PZP: variants seen among roughly 807,000 people sequenced by gnomAD.
PZP encodes the protein pregnancy zone protein.
PZP carries 150 observed loss-of-function variants against 179.8 expected under a neutral mutation model. That is an observed-to-expected ratio of 0.83 (90% CI 0.73 to 0.96). The LOEUF (loss-of-function observed/expected upper bound fraction) is 0.96, where lower values mean the gene tolerates loss of function less well. PZP is among the 40% of genes least tolerant of loss of function. The pLI is 0.00. For synonymous variants in PZP, 624 were observed against 652.3 expected (o/e 0.96, Z 0.66); for missense variants, 1,689 against 1,764.0 (o/e 0.96, Z 0.76).
chr12:9,154,865 T>C (rs1940633113), intron 28 of PZP, 26 bp from the exon 29 acceptor site: 6 of 1,579,140 alleles, frequency 3.8e-6, no homozygotes, highest in Admixed American at 1.7e-5. Context: ...AAGGAGATAA[T>C]TGTAACTCAT....
At chr12:9,203,263 G>A (rs1044261238) in intron 2 of PZP, among the ~76,000 whole-genome samples, 1 of 137,966 alleles carries the variant, frequency 7.2e-6, no homozygotes, top group Admixed American at 7.9e-5. Flanking sequence ...TCCTTACTCT[G>A]GTAAAAAATG....
rs1447943068 is a variant in PZP at position 9,163,688 on chromosome 12, T to C, written c.2716A>G (p.Ile906Val). 6.2e-7 allele frequency: 1 copy of C among 1,613,828 alleles called. No homozygotes were observed. Among genetic ancestry groups the C allele is most frequent in the Admixed American group, 1.7e-5 (1 of 59,974 alleles). ...GTTACCTCCACCAACAGGGTTTTGATGACTGTGTCTTTTCTTTTAATCTCA... is the reference window on the plus strand; with the variant it reads ...GTTACCTCCACCAACAGGGTTTTGACGACTGTGTCTTTTCTTTTAATCTCA... ...VPEIKRKDTV[I>V]KTLLVEAEGI... Residue 906 changes from isoleucine (I) to valine (V), a missense_variant, in exon 21 of 36, where the codon ATC (isoleucine) becomes GTC (valine). By Grantham distance (29) the Ile-to-Val change is conservative. Around this residue, in one of 3 missense-constraint regions of PZP, gnomAD observed 746 missense variants for 749.2 expected, o/e 1.00. Transcript: ENST00000261336.
chr12:9,142,132 T>C, the PZP span, among the ~76,000 whole-genome samples: 1 of 152,206 alleles, frequency 6.6e-6, no homozygotes, highest in Non-Finnish European at 1.5e-5. Context: ...TATATGATTC[T>C]TTTTTGTATA....
chr12:9,188,125 A>G (rs1391325452), intron 13 of PZP, among the ~76,000 whole-genome samples: 1 of 152,252 alleles, frequency 6.6e-6, no homozygotes, highest in Non-Finnish European at 1.5e-5. Context: ...AAAATCCTCA[A>G]TAAAATACTG....
At position 9,169,539 on chromosome 12, in the gene PZP, T is replaced by A; in HGVS notation, c.1892A>T (p.Asp631Val). 1 of 1,613,140 alleles carries A rather than the reference T, an allele frequency of 6.2e-7. No homozygotes were observed. Among genetic ancestry groups the A allele is most frequent in the Non-Finnish European group, 8.5e-7 (1 of 1,179,586 alleles). Reference protein sequence around the residue: ...KDLTNFPDNVDQQEEEQGHCP... With the variant: ...KDLTNFPDNVVQQEEEQGHCP... ...GTGTCCTTGTTCTTCCTCCTGCTGGTCCACATTGTCAGGAAAATTGGTGAG... is the reference window on the plus strand; with the variant it reads ...GTGTCCTTGTTCTTCCTCCTGCTGGACCACATTGTCAGGAAAATTGGTGAG... Residue 631 changes from aspartate to valine, a missense_variant, in exon 16 of 36, where the codon GAC (aspartate) becomes GTC (valine). This residue lies in a region of PZP where 201 missense variants were observed against 284.2 expected (regional missense o/e 0.71). Transcript: ENST00000261336.
chr12:9,154,726 A>G lies in PZP; in HGVS notation c.3664T>C (p.Tyr1222His). The change falls in exon 29 of 36, where the codon TAT becomes CAT. Residue 1222 changes from tyrosine to histidine, a missense_variant. Transcript: ENST00000261336. ...GTGGGGGCTGGCTGGGCCGTGAGAT[A>G]AGCGAGGAGCACATAGGATGTCATC... ...VEMTSYVLLA[Y>H]LTAQPAPTSG... 2 of 1,614,126 alleles carry G rather than the reference A, an allele frequency of 1.2e-6. No individual in the cohort carries two copies. The highest frequency in any genetic ancestry group is 1.7e-6 in the Non-Finnish European group (2 of 1,180,024).
At chr12:9,167,460 G>A (rs1941666334) in intron 17 of PZP, 1 of 152,164 alleles carries the variant, frequency 6.6e-6, no homozygotes, top group Admixed American at 6.5e-5. Context: ...AGATCCTTGG[G>A]AGAAATGTGA....
In PZP at chr12:9,151,692, T is replaced by C. The variant is rs904881120; in HGVS notation, c.4213-20A>G. On this transcript the variant is annotated intron_variant, in intron 32 of 35. Transcript: ENST00000261336. ...TTCAAGCTGGAGAGAATTAGAAAACTTCAGTTAAAGTTAGAGAACAGATGT... is the reference window on the plus strand; with the variant it reads ...TTCAAGCTGGAGAGAATTAGAAAACCTCAGTTAAAGTTAGAGAACAGATGT... 6.2e-7 allele frequency: 1 copy of C among 1,606,244 alleles called. No homozygotes were observed. Among genetic ancestry groups the C allele is most frequent in the Admixed American group, 1.7e-5 (1 of 59,812 alleles).
At chr12:9,176,242 G>A (rs1239602621) in intron 15 of PZP, among the ~76,000 whole-genome samples, 1 of 152,190 alleles carries the variant, frequency 6.6e-6, no homozygotes, top group African/African-American at 2.4e-5. Flanking sequence ...TCACTTATGA[G>A]TGGGAGCTGA....
chr12:9,166,349 T>C, intron 17 of PZP, 147 bp from the exon 18 acceptor site: 1 of 722,552 alleles, frequency 1.4e-6, no homozygotes, highest in South Asian at 1.9e-5. Flanking sequence ...GGGAAATACT[T>C]TGTGATCCCT....
chr12:9,177,412 C>T (rs1181889881), intron 15 of PZP, among the ~76,000 whole-genome samples: 1 of 152,102 alleles, frequency 6.6e-6, no homozygotes, highest in African/African-American at 2.4e-5. Context: ...CAGCTTTGGC[C>T]GCCATGTTAA....
Position 9,153,310 on chromosome 12 carries a change from A to T in PZP, c.3808T>A (p.Tyr1270Asn), listed in dbSNP as rs746989884. Residue 1270 changes from tyrosine to asparagine, a missense_variant, in exon 30 of 36, where the codon TAT becomes AAT. Physicochemically the swap from Tyr to Asn is moderately radical, Grantham distance 143 (BLOSUM62 -2). Around this residue, in one of 3 missense-constraint regions of PZP, gnomAD observed 746 missense variants for 749.2 expected, o/e 1.00. Transcript: ENST00000261336. Reference protein sequence around the residue: ...TVVALHALSRYGAATFTRTEK... With the variant: ...TVVALHALSRNGAATFTRTEK... ...GTTCTGGTGAAAGTGGCTGCTCCAT[A>T]CCTGGACAGGGCATGGAGAGCCACC... is the stretch of plus-strand genomic sequence containing the variant. 6.2e-7 allele frequency: 1 copy of T among 1,613,974 alleles called. No individual in the cohort carries two copies. The highest frequency in any genetic ancestry group is 1.1e-5 in the South Asian group (1 of 91,072).
rs759141407 is a variant in PZP at position 9,161,363 on chromosome 12, G to A, written c.2789-247C>T. Among the ~76,000 whole-genome samples, 10 of 152,326 alleles carry A rather than the reference G, an allele frequency of 6.6e-5. No individual in the cohort carries two copies. The East Asian group carries it at 1.9e-3, about 29-fold the overall frequency. On this transcript the variant is annotated intron_variant, in intron 22 of 35. Coordinates refer to ENST00000261336, the MANE Select transcript of PZP (RefSeq NM_002864.3). Reference sequence around the variant, plus strand: ...TATTATTGCAGTTATTTTATTATTAGAGTTAGCAGTAATATTATTATATCT... The same window carrying A: ...TATTATTGCAGTTATTTTATTATTAAAGTTAGCAGTAATATTATTATATCT...
intron 10 of PZP, 49 bp from the exon 11 acceptor site, chr12:9,194,287 G>C: frequency 6.4e-7 from 1 of 1,565,498 alleles, no homozygotes; most frequent in Non-Finnish European, 8.7e-7. Context: ...ACCCAGAGAG[G>C]ACTGAACTCA....
At position 9,164,264 on chromosome 12, in the gene PZP, C is replaced by G. The variant is rs764017472; in HGVS notation, c.2488-5G>C. Reference sequence around the variant, plus strand: ...GGCTTTCAGCTGCACACTGACCTATCACCCCATGTGAGGCAGAGACAGAAA... The same window carrying G: ...GGCTTTCAGCTGCACACTGACCTATGACCCCATGTGAGGCAGAGACAGAAA... On this transcript the variant is annotated splice_region_variant and splice_polypyrimidine_tract_variant and intron_variant, in intron 19 of 35. Coordinates refer to ENST00000261336, the MANE Select transcript of PZP (RefSeq NM_002864.3). 1 of 1,612,340 alleles carries G rather than the reference C, an allele frequency of 6.2e-7. No individual in the cohort carries two copies. Among genetic ancestry groups the G allele is most frequent in the South Asian group, 1.1e-5 (1 of 90,944 alleles).
chr12:9,206,346 C>G (rs1267187228), intron 1 of PZP, among the ~76,000 whole-genome samples: 1 of 151,850 alleles, frequency 6.6e-6, no homozygotes, highest in Non-Finnish European at 1.5e-5. Context: ...ATTTGATATT[C>G]TAAAGAACTA....
chr12:9,157,652 A>G, intron 27 of PZP, 115 bp downstream of exon 27: 1 of 934,476 alleles, frequency 1.1e-6, no homozygotes, highest in South Asian at 1.6e-5. Flanking sequence ...TCAGTCTGAG[A>G]AATCCCTCAT....
chr12:9,160,106 C>T (rs1023066761), intron 24 of PZP, 81 bp from the exon 25 acceptor site: 27 of 1,344,252 alleles, frequency 2.0e-5, no homozygotes, highest in Admixed American at 1.7e-4. Context: ...TGCATCCAGG[C>T]GCCATGGACA....
At chr12:9,176,878 G>T (rs1157239693) in intron 15 of PZP, among the ~76,000 whole-genome samples, 3 of 152,128 alleles carry the variant, frequency 2.0e-5, no homozygotes, top group African/African-American at 7.2e-5. Context: ...GTATCTAGAG[G>T]TATTGTACCT....
Sources: allele counts gnomAD v4.1 joint callset (sites outside exome capture counted in the v4.1 genomes callset), GRCh38; gene constraint gnomAD v4.1.1; regional missense constraint gnomAD v4.1.1; transcripts MANE v1.5; gene names NCBI Gene and HGNC (gene_info 2026-07-23, HGNC 2026-07-21).